The following NOP2 variants were observed in gnomAD, a reference collection of about 807,000 sequenced individuals.
The protein encoded by NOP2 is NOP2 nucleolar protein.
A neutral mutation model predicts 72.7 loss-of-function variants in NOP2; 7 were observed. The observed-to-expected ratio is 0.10, with a 90% CI of 0.05 to 0.18. The LOEUF (loss-of-function observed/expected upper bound fraction) is 0.18, where lower values mean the gene tolerates loss of function less well. Ranked by LOEUF, NOP2 falls within the 10% of genes least tolerant of loss-of-function variation. The pLI, the probability that NOP2 is intolerant of heterozygous loss-of-function variation, is 1.00. For synonymous variants in NOP2, 387 were observed against 388.0 expected, an observed-to-expected ratio of 1.00 and a Z score of 0.03; for missense variants, 954 against 1,014.7, an observed-to-expected ratio of 0.94 and a Z score of 0.81.
At chr12:6,562,489 C>A (rs968492544) in intron 9 of NOP2, among the ~76,000 whole-genome samples, 2 of 152,172 alleles carry the variant, frequency 1.3e-5, no homozygotes, top group East Asian at 3.9e-4. Flanking sequence ...ACCTCAGGCT[C>A]CTAACTCAAG....
intron 2 of NOP2, chr12:6,567,454 CA>C: frequency 4.6e-6 from 1 of 218,468 alleles, no homozygotes; most frequent in Admixed American, 5.7e-5. Flanking sequence ...TTCCAAAAGG[CA>C]AATCAGTGAC....
At chr12:6,565,184 C>T (rs1329496156) in intron 5 of NOP2, among the ~76,000 whole-genome samples, 4 of 143,846 alleles carry the variant, frequency 2.8e-5, no homozygotes, top group Non-Finnish European at 3.0e-5. Context: ...GAGACAGTCT[C>T]ACTCTGTCAC....
At chr12:6,564,220 G>C in intron 5 of NOP2, 1 of 663,334 alleles carries the variant, frequency 1.5e-6, no homozygotes. Context: ...AGGTTGCAGT[G>C]AGCCAAGACC....
At chr12:6,561,129 C>G (rs1048718690) in intron 11 of NOP2, 59 bp from the exon 12 acceptor site, 1 of 1,592,908 alleles carries the variant, frequency 6.3e-7, no homozygotes, top group African/African-American at 1.3e-5. Context: ...ACACTTGCTC[C>G]CACCCTCCTG....
chr12:6,564,718 C>G (rs958698618), intron 5 of NOP2, among the ~76,000 whole-genome samples: 1 of 150,676 alleles, frequency 6.6e-6, no homozygotes, highest in East Asian at 1.9e-4. Flanking sequence ...TGTGAGCCAC[C>G]GTGCCTGGCC....
rs748620334 is a variant in NOP2, at chr12:6,567,865, G to T, written c.54C>A (p.Ala18=). 1 of 1,613,942 alleles carries T rather than the reference G, an allele frequency of 6.2e-7. No individual in the cohort carries two copies. The highest frequency in any genetic ancestry group is 8.5e-7 in the Non-Finnish European group (1 of 1,179,882). Residue 18 remains alanine, a synonymous_variant, in exon 2 of 16, where the codon GCC becomes GCA. Transcript: ENST00000322166. ...CTGTCTCGGCACCCTTCTGCTTCCG[G>T]GCCTTTCGGCCTGGCCCCCGCTTCT... ...TKEKRGPGRK[A]RKQKGAETEL...
intron 2 of NOP2, chr12:6,567,520 C>A: frequency 3.3e-6 from 1 of 306,930 alleles, no homozygotes; most frequent in Non-Finnish European, 6.0e-6. Context: ...TTTTTCAAAA[C>A]CCAGCTTAAC....
rs1947510875 is a variant in NOP2, at chr12:6,557,279, G to A, written c.2153C>T (p.Ala718Val). 1 of 1,613,928 alleles carries A rather than the reference G, an allele frequency of 6.2e-7. No homozygotes were observed. The highest frequency in any genetic ancestry group is 8.5e-7 in the Non-Finnish European group (1 of 1,179,908). ...TTGTGTGTCTGTGCCCTTGGGAGGGGCATTCTGCCTGAGGAAAGCAACTTT... is the reference window on the plus strand; with the variant it reads ...TTGTGTGTCTGTGCCCTTGGGAGGGACATTCTGCCTGAGGAAAGCAACTTT... The part of the protein sequence containing the change: ...SKKVAFLRQN[A>V]PPKGTDTQTP... The change falls in exon 16 of 16, where the codon GCC becomes GTC. Residue 718 changes from alanine to valine, a missense_variant. Coordinates refer to ENST00000322166, the MANE Select transcript of NOP2 (RefSeq NM_001258308.2).
At position 6,560,551 on chromosome 12, in the gene NOP2, G is replaced by A. The variant is rs776566938; in HGVS notation, c.1456C>T (p.Arg486Cys). The stretch of plus-strand genomic sequence containing the variant: ...AACTCCTTCTGGAGGTGAGCACAGC[G>A]CAGGATGTCCTTCTCATCCTGTCCC... ...KTNKDEKDILRCAHLQKELLL... is the reference protein window; with the variant it reads ...KTNKDEKDILCCAHLQKELLL... The change falls in exon 14 of 16, where the codon CGC becomes TGC. Residue 486 changes from arginine (R) to cysteine (C), a missense_variant. Around this residue, in one of 3 missense-constraint regions of NOP2, gnomAD observed 187 missense variants for 276.2 expected, o/e 0.68. Transcript: ENST00000322166. The surrounding 1 kb of genome is among the most constrained non-coding windows in gnomAD (Gnocchi z 5.0). 1.7e-5 allele frequency: 28 copies of A among 1,600,180 alleles called. No individual in the cohort carries two copies. The highest frequency in any genetic ancestry group is 2.1e-5 in the Non-Finnish European group (25 of 1,171,396).
In NOP2 at chr12:6,563,104, T is replaced by C; in HGVS notation, c.955A>G (p.Thr319Ala). 1 of 1,593,612 alleles carries C rather than the reference T, an allele frequency of 6.3e-7. No individual in the cohort carries two copies. The highest frequency in any genetic ancestry group is 1.1e-5 in the South Asian group (1 of 87,408). ...ACCTGTGCAAGGTCTCGGCGTCGGGTTTTCAAGGTATTGGTCCGGAGGGTG... is the reference window on the plus strand; with the variant it reads ...ACCTGTGCAAGGTCTCGGCGTCGGGCTTTCAAGGTATTGGTCCGGAGGGTG... ...PVTLRTNTLK[T>A]RRRDLAQALI... The change falls in exon 9 of 16, where the codon ACC becomes GCC. Residue 319 changes from threonine (T) to alanine (A), a missense_variant. This residue lies in a region of NOP2 where 498 missense variants were observed against 478.3 expected (regional missense o/e 1.04). Transcript: ENST00000322166.
rs1459764343 is a variant in NOP2 at position 6,560,184 on chromosome 12, C to T, written c.1703G>A (p.Arg568His). 1.2e-6 allele frequency: 2 copies of T among 1,613,974 alleles called. No homozygotes were observed. Among genetic ancestry groups the T allele is most frequent in the South Asian group, 1.1e-5 (1 of 91,084 alleles). ...CATATTGTGGGTATGAGGGTAGAAG[C>T]GTCGGGTAGAACGCAGACTGGGGTG... ...RFHPSLRSTR[R>H]FYPHTHNMDG... The change falls in exon 15 of 16, where the codon CGC becomes CAC. Residue 568 changes from arginine (R) to histidine (H), a missense_variant. Physicochemically the swap from Arg to His is conservative, Grantham distance 29. This residue lies in a region of NOP2 where 187 missense variants were observed against 276.2 expected (regional missense o/e 0.68). Coordinates refer to ENST00000322166, the MANE Select transcript of NOP2 (RefSeq NM_001258308.2). This position sits in a 1 kb window ranked among gnomAD's most constrained non-coding sequence, Gnocchi z 5.0.
chr12:6,561,232 C>G (rs2282690), intron 11 of NOP2, among the ~76,000 whole-genome samples, 162 bp from the exon 12 acceptor site: 5,983 of 152,306 alleles, frequency 0.039, 308 homozygotes, highest in East Asian at 0.26. Flanking sequence ...TCTGCACTAG[C>G]CCCTGGTGAT....
At chr12:6,559,354 C>T (rs982009021) in intron 15 of NOP2, among the ~76,000 whole-genome samples, 1 of 152,116 alleles carries the variant, frequency 6.6e-6, no homozygotes, top group Admixed American at 6.5e-5. Flanking sequence ...CTCCTGACCT[C>T]GTGATCCACC....
intron 5 of NOP2, among the ~76,000 whole-genome samples, 157 bp downstream of exon 5, chr12:6,565,944 G>A (rs976390428): frequency 2.0e-5 from 3 of 151,662 alleles, no homozygotes; most frequent in Non-Finnish European, 4.4e-5. Context: ...GTAGTGCACT[G>A]GGAGGATATA....
rs1947632283 is a variant in NOP2 at position 6,560,967 on chromosome 12, G to A, written c.1311C>T (p.Thr437=). 6.2e-7 allele frequency: 1 copy of A among 1,613,794 alleles called. No individual in the cohort carries two copies. The highest frequency in any genetic ancestry group is 1.1e-5 in the South Asian group (1 of 91,072). The change falls in exon 12 of 16, where the codon ACC becomes ACT. Residue 437 remains threonine (T), a synonymous_variant. Coordinates refer to ENST00000322166, the MANE Select transcript of NOP2 (RefSeq NM_001258308.2). This position sits in a 1 kb window ranked among gnomAD's most constrained non-coding sequence, Gnocchi z 5.0. Reference sequence around the variant, plus strand: ...GGCGCCCATCATAGTGGCTGATAATGGTGTTGGTGACTCCCAGCCGATGCA... The same window carrying A: ...GGCGCCCATCATAGTGGCTGATAATAGTGTTGGTGACTCCCAGCCGATGCA... ...GNLHRLGVTN[T]IISHYDGRQF...
rs1318119634 is a variant in NOP2 at position 6,560,096 on chromosome 12, AC to A, written c.1789+1del. Reference sequence around the variant, plus strand: ...GACGAAGGGAAGAAAAAGATTACTTACCTGTCTGGGACTGAGGGATAGAATT... The same window carrying A: ...GACGAAGGGAAGAAAAAGATTACTTACTGTCTGGGACTGAGGGATAGAATT... On this transcript the variant is annotated splice_donor_variant, in intron 15 of 15. Coordinates refer to ENST00000322166, the MANE Select transcript of NOP2 (RefSeq NM_001258308.2). LOFTEE classifies it high-confidence loss of function. The surrounding 1 kb of genome is among the most constrained non-coding windows in gnomAD (Gnocchi z 5.0). 4 of 1,602,438 alleles carry A rather than the reference AC, an allele frequency of 2.5e-6. No individual in the cohort carries two copies. The South Asian group carries it at 3.3e-5, about 13-fold the overall frequency.
Position 6,566,343 on chromosome 12 carries a change from G to T in NOP2, c.239-7C>A. 1 of 1,608,142 alleles carries T rather than the reference G, an allele frequency of 6.2e-7. No individual in the cohort carries two copies. Among genetic ancestry groups the T allele is most frequent in the Non-Finnish European group, 8.5e-7 (1 of 1,176,046 alleles). On this transcript the variant is annotated splice_region_variant and splice_polypyrimidine_tract_variant and intron_variant, in intron 4 of 15. Transcript: ENST00000322166. ...ACAGCTCCTGCAGAGATCCCTAAGG[G>T]TTTGAAGAGTCCTGGACTAATGGCA...
chr12:6,560,341 A>G lies in NOP2; in HGVS notation c.1561-15T>C, dbSNP rs773686358. On this transcript the variant is annotated splice_polypyrimidine_tract_variant and intron_variant, in intron 14 of 15. Transcript: ENST00000322166. The surrounding 1 kb of genome is among the most constrained non-coding windows in gnomAD (Gnocchi z 5.0). The stretch of plus-strand genomic sequence containing the variant: ...TTCTCTTCTACCTGGATGTGGGGGG[A>G]AGACAAAGAACGGAGGAAAAAGCAG... The G allele has an allele frequency of 5.6e-6, 9 of 1,611,146 alleles. No homozygotes were observed. In the Admixed American group the frequency reaches 1.5e-4, roughly 27 times the overall value.
At chr12:6,558,127 C>G in intron 15 of NOP2, 1 of 200,130 alleles carries the variant, frequency 5.0e-6, no homozygotes. Context: ...AGCGACAAAG[C>G]AAGACACCGT....
Sources: allele counts gnomAD v4.1 joint callset (sites outside exome capture counted in the v4.1 genomes callset), GRCh38; gene constraint gnomAD v4.1.1; regional missense constraint gnomAD v4.1.1; non-coding constraint Gnocchi (gnomAD v3.1); transcripts MANE v1.5; gene names NCBI Gene and HGNC (gene_info 2026-07-23, HGNC 2026-07-21).